The following NXPE2 variants were observed in gnomAD, a reference collection of about 807,000 sequenced individuals.
The protein encoded by NXPE2 is neurexophilin and PC-esterase domain family member 2.
Under a neutral mutation model 34.4 loss-of-function variants are expected in NXPE2, and 34 were observed. That is an observed-to-expected ratio of 0.99 (90% CI 0.75 to 1.31). The LOEUF (loss-of-function observed/expected upper bound fraction) is 1.31, where lower values mean the gene tolerates loss of function less well. NXPE2 is among the 40% of genes most tolerant of loss of function. The pLI, the probability that NXPE2 is intolerant of heterozygous loss-of-function variation, is 0.00. For missense variants in NXPE2, 649 were observed against 672.5 expected (o/e 0.97, Z 0.39); for synonymous variants, 235 against 231.3 (o/e 1.02, Z -0.15).
the NXPE2 span, among the ~76,000 whole-genome samples, chr11:114,764,721 T>C: frequency 8.3e-3 from 1,259 of 152,236 alleles, 15 homozygotes; most frequent in African/African-American, 0.029. Flanking sequence ...GAGGCAACTT[T>C]CTCCTTGTAT....
At chr11:114,495,738 C>T in the NXPE2 span, among the ~76,000 whole-genome samples, 1 of 152,062 alleles carries the variant, frequency 6.6e-6, no homozygotes, top group Non-Finnish European at 1.5e-5. Context: ...ATGAATTTCA[C>T]CAGGACTAGG....
At chr11:114,709,174 A>G (rs1253720480), downstream of NXPE2, among the ~76,000 whole-genome samples, 1 of 152,230 alleles carries the variant, frequency 6.6e-6, no homozygotes, top group African/African-American at 2.4e-5. Flanking sequence ...CACTATTCAC[A>G]TTTCAAGTGT....
the NXPE2 span, among the ~76,000 whole-genome samples, chr11:114,736,081 T>A: frequency 6.6e-6 from 1 of 152,080 alleles, no homozygotes; most frequent in African/African-American, 2.4e-5. Flanking sequence ...ATCACATACT[T>A]CACAAGGTAA....
chr11:114,613,291 G>A, the NXPE2 span, among the ~76,000 whole-genome samples: 8 of 152,040 alleles, frequency 5.3e-5, no homozygotes, highest in South Asian at 1.5e-3. Context: ...GTTACTAGGT[G>A]GATAATAAGT....
At chr11:114,812,263 A>G in the NXPE2 span, among the ~76,000 whole-genome samples, 1 of 152,224 alleles carries the variant, frequency 6.6e-6, no homozygotes. Flanking sequence ...AGGGCCTGAC[A>G]GTAGCTTAGC....
At chr11:114,785,798 G>A in the NXPE2 span, among the ~76,000 whole-genome samples, 2 of 152,022 alleles carry the variant, frequency 1.3e-5, no homozygotes, top group Non-Finnish European at 2.9e-5. Context: ...CCTAGTTTTA[G>A]GCCTAAATCC....
the NXPE2 span, among the ~76,000 whole-genome samples, chr11:114,758,257 T>C: frequency 9.9e-5 from 15 of 152,130 alleles, no homozygotes; most frequent in Non-Finnish European, 2.1e-4. Flanking sequence ...TGCCTCTAGA[T>C]AGCATGGAAA....
At chr11:114,638,032 TCTC>T in the NXPE2 span, among the ~76,000 whole-genome samples, 1 of 151,674 alleles carries the variant, frequency 6.6e-6, no homozygotes, top group South Asian at 2.1e-4. Flanking sequence ...TTGGGGAAGT[TCTC>T]CTGGATAATA....
At chr11:114,637,466 T>G in the NXPE2 span, among the ~76,000 whole-genome samples, 1 of 151,838 alleles carries the variant, frequency 6.6e-6, no homozygotes, top group Non-Finnish European at 1.5e-5. Context: ...CATTTACATT[T>G]AAAGTTAATA....
At chr11:114,700,086 G>T (rs1035579455) in intron 3 of NXPE2, among the ~76,000 whole-genome samples, 9 of 152,218 alleles carry the variant, frequency 5.9e-5, no homozygotes, top group African/African-American at 2.2e-4. Flanking sequence ...GAGCCATCAC[G>T]CCCAGCCCAT....
chr11:114,790,870 GT>G, the NXPE2 span, among the ~76,000 whole-genome samples: 1 of 151,624 alleles, frequency 6.6e-6, no homozygotes, highest in Non-Finnish European at 1.5e-5. Flanking sequence ...TCCCTGAAGA[GT>G]CCCCCAGGGA....
chr11:114,717,077 C>T, the NXPE2 span, among the ~76,000 whole-genome samples: 2 of 151,712 alleles, frequency 1.3e-5, no homozygotes, highest in African/African-American at 4.8e-5. Flanking sequence ...ACTATCTGAC[C>T]CTTTACAGGA....
At chr11:114,767,972 T>C in the NXPE2 span, among the ~76,000 whole-genome samples, 3 of 152,150 alleles carry the variant, frequency 2.0e-5, no homozygotes, top group African/African-American at 4.8e-5. Context: ...AAAGTGGACA[T>C]AATAATAGTA....
the NXPE2 span, among the ~76,000 whole-genome samples, chr11:114,774,456 T>C: frequency 0.038 from 5,817 of 152,296 alleles, 135 homozygotes; most frequent in East Asian, 0.13. Context: ...CTGCTAGTCA[T>C]GATTTTCCTG....
chr11:114,567,476 G>T, the NXPE2 span, among the ~76,000 whole-genome samples: 1,226 of 151,880 alleles, frequency 8.1e-3, 24 homozygotes, highest in African/African-American at 0.026. Context: ...AAGGCTGAAC[G>T]GCAGCCTTGG....
At chr11:114,670,795 T>C in the NXPE2 span, among the ~76,000 whole-genome samples, 1 of 151,840 alleles carries the variant, frequency 6.6e-6, no homozygotes, top group African/African-American at 2.4e-5. Context: ...ATCTGAAATA[T>C]TCAGTTTTCA....
chr11:114,519,422 T>C, the NXPE2 span, among the ~76,000 whole-genome samples: 12 of 152,302 alleles, frequency 7.9e-5, no homozygotes, highest in Admixed American at 2.6e-4. Context: ...AAGTTCTCTT[T>C]GGGGGAAAAA....
At chr11:114,802,724 GTCTA>G in the NXPE2 span, among the ~76,000 whole-genome samples, 1 of 152,058 alleles carries the variant, frequency 6.6e-6, no homozygotes, top group Non-Finnish European at 1.5e-5. Flanking sequence ...TGATGTGTCT[GTCTA>G]TATCTCCAAG....
the NXPE2 span, among the ~76,000 whole-genome samples, chr11:114,504,697 A>G: frequency 0.15 from 22,575 of 152,136 alleles, 1,878 homozygotes; most frequent in South Asian, 0.23. Context: ...TTTATATCAC[A>G]ATCAGACCCT....
Sources: allele counts gnomAD v4.1 joint callset (sites outside exome capture counted in the v4.1 genomes callset), GRCh38; gene constraint gnomAD v4.1.1; transcripts MANE v1.5; gene names NCBI Gene and HGNC (gene_info 2026-07-23, HGNC 2026-07-21).